Variants in PIGN observed in about 807,000 individuals in gnomAD.
PIGN encodes phosphatidylinositol glycan anchor biosynthesis class N, also known as GPI ethanolamine phosphate transferase 1.
PIGN carries 117 observed loss-of-function variants against 125.4 expected under a neutral mutation model. That is an observed-to-expected ratio of 0.93 (90% CI 0.80 to 1.09). The LOEUF (loss-of-function observed/expected upper bound fraction) is 1.09. PIGN is among the 50% of genes least tolerant of loss of function. The pLI is 0.00. For missense variants in PIGN, 1,075 were observed against 1,094.9 expected (o/e 0.98, Z 0.26); for synonymous variants, 392 against 377.8 (o/e 1.04, Z -0.44).
At chr18:62,161,058 A>T (rs1037559621) in intron 4 of PIGN, 75 bp downstream of exon 4, 14 of 910,070 alleles carry the variant, frequency 1.5e-5, no homozygotes, top group Non-Finnish European at 2.4e-5. Flanking sequence ...CATGATAAAT[A>T]GTAAGATATT....
intron 1 of PIGN, among the ~76,000 whole-genome samples, chr18:62,178,282 G>T (rs2037596180): frequency 6.6e-6 from 1 of 151,804 alleles, no homozygotes; most frequent in Non-Finnish European, 1.5e-5. Flanking sequence ...CAGTCTCCTG[G>T]TTGCTGTAAA....
intron 28 of PIGN, among the ~76,000 whole-genome samples, chr18:62,077,372 C>G (rs1443998857): frequency 5.3e-5 from 8 of 151,898 alleles, no homozygotes. Flanking sequence ...GACTCTGCCT[C>G]AAAACAAACA....
chr18:62,128,265 T>C (rs1046195044), intron 14 of PIGN, among the ~76,000 whole-genome samples: 11 of 152,204 alleles, frequency 7.2e-5, no homozygotes, highest in African/African-American at 1.4e-4. Flanking sequence ...TCTTTTCAGA[T>C]ACTTGTGACT....
intron 26 of PIGN, among the ~76,000 whole-genome samples, chr18:62,084,894 G>C (rs889168104): frequency 2.0e-5 from 3 of 152,104 alleles, no homozygotes; most frequent in South Asian, 2.1e-4. Flanking sequence ...GATCACCTGC[G>C]GTCAGCAGTT....
intron 29 of PIGN, 131 bp downstream of exon 29, chr18:62,074,648 T>C (rs372876570): frequency 1.4e-5 from 8 of 555,574 alleles, no homozygotes; most frequent in African/African-American, 5.7e-5. Flanking sequence ...TAATTTATTG[T>C]GTAAATTATG....
intron 30 of PIGN, among the ~76,000 whole-genome samples, chr18:62,049,267 G>A (rs1186941589): frequency 1.3e-5 from 2 of 152,206 alleles, no homozygotes; most frequent in African/African-American, 2.4e-5. Context: ...AGATCCCTGA[G>A]GAATCGCCAC....
chr18:62,138,434 G>T, intron 13 of PIGN, 136 bp from the exon 14 acceptor site: 1 of 1,243,706 alleles, frequency 8.0e-7, no homozygotes. Flanking sequence ...TTACTATATT[G>T]TTTCATAAAT....
At chr18:62,109,735 T>C in intron 17 of PIGN, 99 bp downstream of exon 17, 1 of 999,158 alleles carries the variant, frequency 1.0e-6, no homozygotes, top group Non-Finnish European at 1.5e-6. Flanking sequence ...GTATTATAAA[T>C]ATATTTGATG....
intron 25 of PIGN, among the ~76,000 whole-genome samples, chr18:62,086,548 T>C (rs181198958): frequency 3.3e-5 from 5 of 150,662 alleles, no homozygotes; most frequent in South Asian, 2.1e-4. Flanking sequence ...ACCCGGCAAG[T>C]GGAGGTTGCA....
intron 23 of PIGN, among the ~76,000 whole-genome samples, chr18:62,026,941 G>T (rs1334766681): frequency 6.6e-6 from 1 of 152,174 alleles, no homozygotes; most frequent in Non-Finnish European, 1.5e-5. Context: ...GGTGGCTCAC[G>T]CCTGTAATTC....
At chr18:62,102,998 C>G (rs1034540027) in intron 20 of PIGN, 96 bp from the exon 21 acceptor site, 2 of 548,158 alleles carry the variant, frequency 3.6e-6, no homozygotes, top group South Asian at 4.2e-5. Flanking sequence ...TACAGAACCT[C>G]TCAGTCATTT....
chr18:62,042,160 A>C lies in PIGN; in HGVS notation c.*3696T>G, dbSNP rs1017361086. On this transcript the variant is annotated 3_prime_UTR_variant, in exon 31 of 31. Transcript: ENST00000640252. Reference sequence around the variant, plus strand: ...ACATGGTGAAACCTTGTCAGTACTAAAAATATGAAAATTAGCCAGACGTGG... The same window carrying C: ...ACATGGTGAAACCTTGTCAGTACTACAAATATGAAAATTAGCCAGACGTGG... 1.3e-5 allele frequency: 2 copies of C among 152,068 alleles called. No individual in the cohort carries two copies. Among genetic ancestry groups the C allele is most frequent in the African/African-American group, 4.8e-5 (2 of 41,394 alleles). 9.4% of individuals were successfully genotyped at this position (152,068 alleles called of 1,614,324 possible).
chr18:62,036,216 CTT>C (rs905415461), downstream of PIGN, among the ~76,000 whole-genome samples: 1 of 151,164 alleles, frequency 6.6e-6, no homozygotes, highest in African/African-American at 2.4e-5. Context: ...AGTTTTTTTT[CTT>C]TTTTTTTCTT....
intron 7 of PIGN, among the ~76,000 whole-genome samples, chr18:62,148,721 A>G (rs900931422): frequency 1.3e-5 from 2 of 152,110 alleles, no homozygotes; most frequent in African/African-American, 4.8e-5. Flanking sequence ...ATTTTTTTAA[A>G]TATTTCAGAA....
intron 30 of PIGN, among the ~76,000 whole-genome samples, chr18:62,067,967 C>G (rs1326961699): frequency 2.2e-4 from 33 of 152,102 alleles, no homozygotes; most frequent in Admixed American, 2.2e-3. Flanking sequence ...ATTGCTGTGT[C>G]GTGTTTTAGG....
intron 4 of PIGN, 119 bp downstream of exon 4, chr18:62,161,014 A>G: frequency 1.6e-6 from 1 of 624,276 alleles, no homozygotes. Context: ...CAAGTGCCCT[A>G]TTCTCTTTCT....
chr18:62,113,316 C>T lies in PIGN; in HGVS notation c.1252G>A (p.Val418Ile). Reference protein sequence around the residue: ...YIKHRKFDEVVSLCKELIHLA... With the variant: ...YIKHRKFDEVISLCKELIHLA... ...TGAATTAGCTCCTTGCAAAGGGAGA[C>T]CTATGGAGAAAAAACATATATAACT... The change falls in exon 16 of 31, where the codon GTC becomes ATC. Residue 418 changes from valine (V) to isoleucine (I), a missense_variant and splice_region_variant. By Grantham distance (29) the Val-to-Ile change is conservative (BLOSUM62 3). Transcript: ENST00000640252. 6.3e-7 allele frequency: 1 copy of T among 1,583,528 alleles called. No homozygotes were observed. Among genetic ancestry groups the T allele is most frequent in the Non-Finnish European group, 8.6e-7 (1 of 1,168,782 alleles).
At chr18:62,108,530 T>C (rs898603223) in intron 17 of PIGN, among the ~76,000 whole-genome samples, 1 of 152,090 alleles carries the variant, frequency 6.6e-6, no homozygotes, top group Admixed American at 6.5e-5. Context: ...GATCAGTGTC[T>C]TTTTGCCTTA....
chr18:62,102,738 A>T, intron 21 of PIGN, 56 bp downstream of exon 21: 1 of 771,516 alleles, frequency 1.3e-6, no homozygotes, highest in Non-Finnish European at 2.1e-6. Flanking sequence ...ATATAACCAT[A>T]AGACACATTT....
Sources: allele counts gnomAD v4.1 joint callset (sites outside exome capture counted in the v4.1 genomes callset), GRCh38; gene constraint gnomAD v4.1.1; transcripts MANE v1.5; gene names NCBI Gene and HGNC (gene_info 2026-07-23, HGNC 2026-07-21).